TRAPPC8: variants seen among roughly 807,000 people sequenced by gnomAD.
TRAPPC8 encodes general sporulation gene 1 homolog.
TRAPPC8 carries 54 observed loss-of-function variants against 174.3 expected under a neutral mutation model. The ratio of observed to expected loss-of-function variants is 0.31; its 90% CI spans 0.25 to 0.39. The LOEUF (loss-of-function observed/expected upper bound fraction) is 0.39, where lower values mean the gene tolerates loss of function less well. TRAPPC8 is among the 10% of genes least tolerant of loss of function. TRAPPC8 has a pLI of 1.00. For missense variants in TRAPPC8, 1,531 were observed against 1,699.1 expected (o/e 0.90, Z 1.74); for synonymous variants, 630 against 579.9 (o/e 1.09, Z -1.24).
rs995803821 is a variant in TRAPPC8, at chr18:31,874,464, G to A, written c.1953+16C>T. ...ACAGTTTTAATATCTATTCCTGAAT[G>A]AAAATAAGCAGTCACCTTGTAAACA... On this transcript the variant is annotated intron_variant, in intron 13 of 28. Coordinates refer to ENST00000283351, the MANE Select transcript of TRAPPC8 (RefSeq NM_014939.5). The A allele has an allele frequency of 3.7e-6, 6 of 1,604,554 alleles. No homozygotes were observed. In the Admixed American group the frequency reaches 6.7e-5, roughly 18 times the overall value.
intron 12 of TRAPPC8, among the ~76,000 whole-genome samples, chr18:31,880,607 T>C (rs563853303): frequency 6.6e-6 from 1 of 152,146 alleles, no homozygotes; most frequent in South Asian, 2.1e-4. Flanking sequence ...ATGTACACTC[T>C]GCACTCACAC....
intron 2 of TRAPPC8, chr18:31,926,522 G>T (rs534339518): frequency 6.6e-6 from 1 of 151,770 alleles, no homozygotes; most frequent in African/African-American, 2.4e-5. Context: ...AAGCTGGAGT[G>T]CAACGGTGGG....
At chr18:31,864,871 GATT>G (rs1012173252) in intron 18 of TRAPPC8, 90 bp from the exon 19 acceptor site, 60 of 1,162,378 alleles carry the variant, frequency 5.2e-5, no homozygotes, top group African/African-American at 2.5e-4. Flanking sequence ...GTAAGTTTCA[GATT>G]ATTTCTAGAA....
chr18:31,942,732 T>C lies in TRAPPC8; in HGVS notation c.33A>G (p.Leu11=). The C allele has an allele frequency of 1.9e-6, 3 of 1,604,402 alleles. No homozygotes were observed. Among genetic ancestry groups the C allele is most frequent in the Non-Finnish European group, 2.6e-6 (3 of 1,175,942 alleles). ...CACAGGGGACGAAGGAGTCCGGGAT[T>C]AGCTCCTGCACTGATTGTACACACT... is the stretch of plus-strand genomic sequence containing the variant. The part of the protein sequence containing the change: MAQCVQSVQE[L]IPDSFVPCVA... The change falls in exon 1 of 29, where the codon CTA becomes CTG. Residue 11 remains leucine, a synonymous_variant. Transcript: ENST00000283351.
chr18:31,860,046 C>G (rs1382996656), intron 19 of TRAPPC8, among the ~76,000 whole-genome samples: 2 of 151,966 alleles, frequency 1.3e-5, no homozygotes. Flanking sequence ...TATATTTAGC[C>G]TTTACCTCAA....
intron 1 of TRAPPC8, among the ~76,000 whole-genome samples, chr18:31,936,451 G>A: frequency 6.6e-6 from 1 of 152,082 alleles, no homozygotes; most frequent in East Asian, 1.9e-4. Flanking sequence ...GTGACAAAGT[G>A]AGACCCTGTC....
intron 18 of TRAPPC8, 84 bp from the exon 19 acceptor site, chr18:31,864,865 G>A (rs1273321450): frequency 8.4e-7 from 1 of 1,192,968 alleles, no homozygotes; most frequent in Non-Finnish European, 1.1e-6. Context: ...AATATTGTAA[G>A]TTTCAGATTA....
At chr18:31,926,367 T>C (rs1394634163) in intron 2 of TRAPPC8, 1 of 151,278 alleles carries the variant, frequency 6.6e-6, no homozygotes, top group Admixed American at 6.6e-5. Flanking sequence ...GAGCCATTGA[T>C]AAATGGGTTA....
intron 2 of TRAPPC8, among the ~76,000 whole-genome samples, chr18:31,929,984 A>T (rs1181046072): frequency 3.3e-5 from 5 of 152,210 alleles, no homozygotes; most frequent in Admixed American, 3.3e-4. Context: ...TTAAAACTAA[A>T]GGCAAAGAAA....
intron 19 of TRAPPC8, 90 bp from the exon 20 acceptor site, chr18:31,858,072 T>TTTA (rs397772558): frequency 9.6e-7 from 1 of 1,041,278 alleles, no homozygotes; most frequent in Non-Finnish European, 1.4e-6. Flanking sequence ...TTTTTTTTTT[T>TTTA]ACCAAAGGTT....
intron 2 of TRAPPC8, among the ~76,000 whole-genome samples, chr18:31,918,101 G>A (rs1271385708): frequency 6.6e-6 from 1 of 152,082 alleles, no homozygotes; most frequent in African/African-American, 2.4e-5. Context: ...ACTCCAGCCT[G>A]GGTGACAGAA....
intron 4 of TRAPPC8, among the ~76,000 whole-genome samples, chr18:31,914,002 T>A (rs1038970498): frequency 2.0e-5 from 3 of 151,524 alleles, no homozygotes; most frequent in African/African-American, 7.3e-5. Flanking sequence ...CCTATCTCTA[T>A]CAAAATTAAA....
In TRAPPC8 at chr18:31,864,766, C is replaced by T. The variant is rs1298197687; in HGVS notation, c.2606G>A (p.Ser869Asn). Residue 869 changes from serine to asparagine, a missense_variant, in exon 19 of 29, where the codon AGT (serine) becomes AAT (asparagine). By Grantham distance (46) the Ser-to-Asn change is conservative (BLOSUM62 1). Coordinates refer to ENST00000283351, the MANE Select transcript of TRAPPC8 (RefSeq NM_014939.5). ...PGCHTGKYSL[S>N]MSVRGKQDLE... ...ATCCTGCTTCCCTCGGACTGACATA[C>T]TCAAGGAATATTTTCCTGAAATAAA... The T allele has an allele frequency of 6.2e-7, 1 of 1,605,250 alleles. No individual in the cohort carries two copies. Among genetic ancestry groups the T allele is most frequent in the Non-Finnish European group, 8.5e-7 (1 of 1,177,128 alleles).
At chr18:31,933,936 C>T (rs2037966730) in intron 1 of TRAPPC8, among the ~76,000 whole-genome samples, 1 of 152,052 alleles carries the variant, frequency 6.6e-6, no homozygotes, top group African/African-American at 2.4e-5. Context: ...GTTGTAATCC[C>T]AGCACTTTTG....
Position 31,917,707 on chromosome 18 carries a change from T to C in TRAPPC8, c.353-40A>G, listed in dbSNP as rs191473984. ...ATACAAAACAGTTAAAAGTATTCAA[T>C]AGAATCAGTTTACAACAGACAAAAT... On this transcript the variant is annotated intron_variant, in intron 2 of 28. Coordinates refer to ENST00000283351, the MANE Select transcript of TRAPPC8 (RefSeq NM_014939.5). 4.1e-4 allele frequency: 640 copies of C among 1,559,288 alleles called. 1 individual carries two copies. Among genetic ancestry groups the C allele is most frequent in the Non-Finnish European group, 4.7e-4 (538 of 1,137,870 alleles).
chr18:31,852,322 G>A (rs1450163124), intron 24 of TRAPPC8, 124 bp downstream of exon 24: 1 of 1,038,898 alleles, frequency 9.6e-7, no homozygotes, highest in East Asian at 2.6e-5. Flanking sequence ...GGGAGACAGA[G>A]CAAGACCTTG....
rs562207884 is a variant in TRAPPC8 at position 31,891,006 on chromosome 18, G to A, written c.1597-140C>T. 59 of 630,700 alleles carry A rather than the reference G, an allele frequency of 9.4e-5. No individual in the cohort carries two copies. In the African/African-American group the frequency reaches 1.0e-3, roughly 11 times the overall value. 39.1% of individuals were successfully genotyped at this position (630,700 alleles called of 1,614,324 possible). A position where few individuals can be genotyped will look rare whatever the true frequency, so the allele number is the denominator to read the frequency against. ...AGAGTATATGAGGGCAAAGATCAAG[G>A]GGAAAACCAATCTTGATTTTTCCAA... On this transcript the variant is annotated intron_variant, in intron 11 of 28. Transcript: ENST00000283351.
intron 4 of TRAPPC8, 71 bp downstream of exon 4, chr18:31,916,201 A>C (rs2037140220): frequency 1.2e-5 from 14 of 1,158,306 alleles, no homozygotes; most frequent in Non-Finnish European, 1.6e-5. Context: ...TCCAAAACGT[A>C]AACAAGCTAT....
rs80310434 is a variant in TRAPPC8 at position 31,872,977 on chromosome 18, A to G, written c.2062+453T>C. Reference sequence around the variant, plus strand: ...AGTAGTTATCTTCAGGTGACAGGACAAAAGAAGTAATAGAGAGCTATTCAT... The same window carrying G: ...AGTAGTTATCTTCAGGTGACAGGACGAAAGAAGTAATAGAGAGCTATTCAT... On this transcript the variant is annotated intron_variant, in intron 14 of 28. Transcript: ENST00000283351. Among the ~76,000 whole-genome samples, 479 of 151,368 alleles carry G rather than the reference A, an allele frequency of 3.2e-3. 2 individuals are homozygous for G. The highest frequency in any genetic ancestry group is 5.2e-3 in the Non-Finnish European group (356 of 67,826).
Sources: gnomAD v4.1 joint callset for allele counts (sites outside exome capture counted in the v4.1 genomes callset) on GRCh38, gnomAD v4.1.1 for gene constraint, MANE v1.5 for transcripts, NCBI Gene and HGNC (gene_info 2026-07-23, HGNC 2026-07-21) for gene names.